Variants in ATP11A observed in about 807,000 individuals in gnomAD.
ATP11A encodes the protein phospholipid-transporting ATPase IH.
Under a neutral mutation model 154.4 loss-of-function variants are expected in ATP11A, and 81 were observed. That is an observed-to-expected ratio of 0.52 (90% CI 0.44 to 0.63). The LOEUF (loss-of-function observed/expected upper bound fraction) is 0.63, where lower values mean the gene tolerates loss of function less well. ATP11A is among the 30% of genes least tolerant of loss of function. ATP11A has a pLI of 0.00. For synonymous variants in ATP11A, 623 were observed against 585.9 expected, an observed-to-expected ratio of 1.06 and a Z score of -0.91; for missense variants, 1,316 against 1,474.3, an observed-to-expected ratio of 0.89 and a Z score of 1.76.
At position 112,862,458 on chromosome 13, in the gene ATP11A, C is replaced by T. The variant is rs923566946; in HGVS notation, c.2874C>T (p.Ala958=). The change falls in exon 25 of 30, where the codon GCC becomes GCT. Residue 958 remains alanine (A), a synonymous_variant. Coordinates refer to ENST00000375645, the MANE Select transcript of ATP11A (RefSeq NM_015205.3). ...PTLYRDVAKN[A]LLRWRVFIYW... ...TCACCAGGGACGTCGCCAAGAATGC[C>T]CTGCTGCGCTGGCGCGTGTTCATCT... 4 of 1,613,830 alleles carry T rather than the reference C, an allele frequency of 2.5e-6. No individual in the cohort carries two copies. The highest frequency in any genetic ancestry group is 1.7e-5 in the Admixed American group (1 of 59,980).
chr13:112,808,470 C>G (rs2078387763), intron 4 of ATP11A, among the ~76,000 whole-genome samples: 1 of 151,436 alleles, frequency 6.6e-6, no homozygotes, highest in Admixed American at 6.6e-5. Flanking sequence ...GTGCCAGAGC[C>G]CCCCCACCCC....
rs1186502835 is a variant in ATP11A, at chr13:112,834,648, A to G, written c.1619A>G (p.Asn540Ser). The G allele has an allele frequency of 1.2e-6, 2 of 1,613,682 alleles. No homozygotes were observed. Among genetic ancestry groups the G allele is most frequent in the Non-Finnish European group, 1.7e-6 (2 of 1,179,578 alleles). The change falls in exon 15 of 30, where the codon AAC becomes AGC. Residue 540 changes from asparagine to serine, a missense_variant. By Grantham distance (46) the Asn-to-Ser change is conservative (BLOSUM62 1). Around this residue, in one of 5 missense-constraint regions of ATP11A, gnomAD observed 876 missense variants for 1,006.8 expected, o/e 0.87. Coordinates refer to ENST00000375645, the MANE Select transcript of ATP11A (RefSeq NM_015205.3). ...TACATGGAGATATTAAACAGGGAGA[A>G]CCACATCGAAAGGTATGTGCAGACC... ...DNYMEILNRE[N>S]HIERFELLEI...
At chr13:112,789,105 G>A (rs1254705549) in intron 2 of ATP11A, among the ~76,000 whole-genome samples, 1 of 151,100 alleles carries the variant, frequency 6.6e-6, no homozygotes, top group Non-Finnish European at 1.5e-5. Context: ...TTCACACCGG[G>A]TGTCCTGATG....
chr13:112,824,532 A>G, intron 10 of ATP11A, 107 bp downstream of exon 10: 1 of 998,554 alleles, frequency 1.0e-6, no homozygotes, highest in Non-Finnish European at 1.6e-6. Context: ...TTGCCACTGT[A>G]CAGCATCTTA....
At chr13:112,834,699 C>T (rs377315305) in intron 15 of ATP11A, 39 bp downstream of exon 15, 79 of 1,489,518 alleles carry the variant, frequency 5.3e-5, no homozygotes, top group Non-Finnish European at 6.6e-5. Flanking sequence ...AAAGGACTAA[C>T]GAATAAAGAG....
chr13:112,860,020 A>C (rs990313858), intron 23 of ATP11A, among the ~76,000 whole-genome samples: 1 of 151,428 alleles, frequency 6.6e-6, no homozygotes, highest in Non-Finnish European at 1.5e-5. Context: ...AGAATTGCAA[A>C]TGTTTTCTGT....
Position 112,796,759 on chromosome 13 carries a change from G to A in ATP11A, c.163-8198G>A, listed in dbSNP as rs145845458. Among the ~76,000 whole-genome samples the A allele has an allele frequency of 6.2e-3, 939 of 152,192 alleles. 6 individuals are homozygous for A. The highest frequency in any genetic ancestry group is 9.7e-3 in the Non-Finnish European group (661 of 68,020). On this transcript the variant is annotated intron_variant, in intron 2 of 29. Transcript: ENST00000375645. ...ATACAGACTGTACGGAGATTGACGC[G>A]GTGTCAAAGGACCCGTGACCTTGAG...
intron 2 of ATP11A, among the ~76,000 whole-genome samples, chr13:112,788,286 A>G (rs568047111): frequency 2.0e-4 from 27 of 131,712 alleles, no homozygotes; most frequent in African/African-American, 6.1e-4. Flanking sequence ...GTATTCTGAC[A>G]TGTAGACCCC....
chr13:112,803,831 T>TC (rs2078215464), intron 2 of ATP11A, among the ~76,000 whole-genome samples: 1 of 75,690 alleles, frequency 1.3e-5, no homozygotes, highest in East Asian at 4.3e-4. Context: ...CTCCTTCCCC[T>TC]CCTCCTCCTT....
chr13:112,803,764 T>TC (rs2078206725), intron 2 of ATP11A, among the ~76,000 whole-genome samples: 1 of 97,832 alleles, frequency 1.0e-5, no homozygotes, highest in Non-Finnish European at 2.0e-5. Context: ...TTCCCCTCCT[T>TC]CCCTCCTTCC....
At chr13:112,793,558 A>G (rs1223937282) in intron 2 of ATP11A, among the ~76,000 whole-genome samples, 3 of 152,112 alleles carry the variant, frequency 2.0e-5, no homozygotes, top group Admixed American at 6.5e-5. Flanking sequence ...GGCATCAGCA[A>G]TCCACCATCC....
chr13:112,727,132 C>A (rs1386973691), intron 1 of ATP11A, among the ~76,000 whole-genome samples: 1 of 152,194 alleles, frequency 6.6e-6, no homozygotes, highest in East Asian at 1.9e-4. Context: ...ACTGCAATCT[C>A]CGCCTCCCAG....
Position 112,774,556 on chromosome 13 carries a change from TC to T in ATP11A, c.40-10578del, listed in dbSNP as rs144309826. On this transcript the variant is annotated intron_variant, in intron 1 of 29. Transcript: ENST00000375645. ...CAAATGTGCGATGTGCTGCACCCACTCACAAAAGACGTGTACCAGATCACAG... is the reference window on the plus strand; with the variant it reads ...CAAATGTGCGATGTGCTGCACCCACTACAAAAGACGTGTACCAGATCACAG... Among the ~76,000 whole-genome samples, 340 of 152,318 alleles carry T rather than the reference TC, an allele frequency of 2.2e-3. 2 individuals are homozygous for T. The highest frequency in any genetic ancestry group is 7.8e-3 in the African/African-American group (326 of 41,572).
chr13:112,876,581 G>T (rs1367292450), intron 28 of ATP11A, among the ~76,000 whole-genome samples: 1 of 152,200 alleles, frequency 6.6e-6, no homozygotes, highest in Non-Finnish European at 1.5e-5. Flanking sequence ...GAGGGCCGCT[G>T]CACCTGTCAC....
Position 112,875,496 on chromosome 13 carries a change from T to G in ATP11A, c.3162-280T>G, listed in dbSNP as rs75170770. On this transcript the variant is annotated intron_variant, in intron 27 of 29. Transcript: ENST00000375645. The surrounding 1 kb of genome is among the most constrained non-coding windows in gnomAD (Gnocchi z 4.1). ...TCCCTTTGTGTTTTGTTTTTTGTTT[T>G]TTTTTTTTTTGCTTCTGTGAAACTG... 4.6e-4 allele frequency among the ~76,000 whole-genome samples: 23 copies of G among 49,696 alleles called. No individual in the cohort carries two copies. The East Asian group carries it at 4.8e-3, about 10-fold the overall frequency. The allele number at this position is 49,696 out of a possible 152,430, so 32.6% of individuals were successfully genotyped here.
At chr13:112,814,048 T>C (rs1474378880) in intron 5 of ATP11A, among the ~76,000 whole-genome samples, 1 of 152,140 alleles carries the variant, frequency 6.6e-6, no homozygotes, top group Non-Finnish European at 1.5e-5. Flanking sequence ...TCTTGATTTT[T>C]TTTTTCTTTT....
At chr13:112,877,576 G>A (rs1355545121) in intron 28 of ATP11A, among the ~76,000 whole-genome samples, 1 of 152,178 alleles carries the variant, frequency 6.6e-6, no homozygotes, top group East Asian at 1.9e-4. Context: ...GGTGTCTGCT[G>A]GGCCCCTAGC....
intron 1 of ATP11A, among the ~76,000 whole-genome samples, chr13:112,782,701 C>G (rs1167931856): frequency 6.6e-6 from 1 of 152,130 alleles, no homozygotes; most frequent in East Asian, 1.9e-4. Flanking sequence ...GGCCCGTCCT[C>G]GTGGGGAGGG....
chr13:112,851,454 G>A, intron 18 of ATP11A: 1 of 432,264 alleles, frequency 2.3e-6, no homozygotes, highest in East Asian at 3.4e-5. Context: ...ACTTTCCCAG[G>A]AAGTAGTGAA....
Sources: allele counts gnomAD v4.1 joint callset (sites outside exome capture counted in the v4.1 genomes callset), GRCh38; gene constraint gnomAD v4.1.1; regional missense constraint gnomAD v4.1.1; non-coding constraint Gnocchi (gnomAD v3.1); transcripts MANE v1.5; gene names NCBI Gene and HGNC (gene_info 2026-07-23, HGNC 2026-07-21).